CNNM1: variants seen among roughly 807,000 people sequenced by gnomAD.
CNNM1 encodes metal transporter CNNM1.
CNNM1 carries 44 observed loss-of-function variants against 78.8 expected under a neutral mutation model. That is an observed-to-expected ratio of 0.56 (90% CI 0.44 to 0.72). The LOEUF (loss-of-function observed/expected upper bound fraction) is 0.72. CNNM1 is among the 30% of genes least tolerant of loss of function. The pLI is 0.00. For missense variants in CNNM1, 1,101 were observed against 1,292.2 expected, an observed-to-expected ratio of 0.85 and a Z score of 2.27; for synonymous variants, 584 against 581.5, an observed-to-expected ratio of 1.00 and a Z score of -0.06.
intron 7 of CNNM1, among the ~76,000 whole-genome samples, chr10:99,386,470 T>C: frequency 6.6e-6 from 1 of 151,284 alleles, no homozygotes; most frequent in Middle Eastern, 3.2e-3. Flanking sequence ...AAGAGAAAAC[T>C]CTATTTGCCC....
chr10:99,389,023 C>G (rs1356089139), intron 9 of CNNM1, among the ~76,000 whole-genome samples: 1 of 152,118 alleles, frequency 6.6e-6, no homozygotes, highest in Non-Finnish European at 1.5e-5. Flanking sequence ...ATGCCTGCAC[C>G]CAAGCCAGCA....
Position 99,329,413 on chromosome 10 carries a change from C to A in CNNM1, c.26C>A (p.Ala9Glu). 1 of 938,396 alleles carries A rather than the reference C, an allele frequency of 1.1e-6. No individual in the cohort carries two copies. Among genetic ancestry groups the A allele is most frequent in the Non-Finnish European group, 1.5e-6 (1 of 655,582 alleles). 58.1% of individuals were successfully genotyped at this position (938,396 alleles called of 1,614,324 possible). A position where few individuals can be genotyped will look rare whatever the true frequency, so the allele number is the denominator to read the frequency against. The change falls in exon 1 of 11, where the codon GCA becomes GAA. Residue 9 changes from alanine to glutamate, a missense_variant. Ala to Glu is a moderately radical substitution (Grantham distance 107). Coordinates refer to ENST00000356713, the MANE Select transcript of CNNM1 (RefSeq NM_020348.3). MAAAAAAA[A>E]AVGVRLRDCC... ...ATGGCGGCGGCCGCGGCGGCGGCAGCAGCGGTGGGTGTCAGGCTCCGGGAC... is the reference window on the plus strand; with the variant it reads ...ATGGCGGCGGCCGCGGCGGCGGCAGAAGCGGTGGGTGTCAGGCTCCGGGAC...
intron 6 of CNNM1, among the ~76,000 whole-genome samples, chr10:99,371,955 G>GAC (rs1564955163): frequency 1.3e-5 from 2 of 152,142 alleles, no homozygotes; most frequent in African/African-American, 2.4e-5. Flanking sequence ...TACAAAAGAT[G>GAC]TAGGCAGGCA....
chr10:99,351,442 A>C (rs1351649831), intron 1 of CNNM1, among the ~76,000 whole-genome samples: 3 of 152,310 alleles, frequency 2.0e-5, no homozygotes, highest in African/African-American at 4.8e-5. Flanking sequence ...GAGGAGAAAT[A>C]ATGTGTGTTA....
chr10:99,373,395 G>A (rs2031864263), intron 6 of CNNM1, among the ~76,000 whole-genome samples: 1 of 152,176 alleles, frequency 6.6e-6, no homozygotes, highest in African/African-American at 2.4e-5. Flanking sequence ...TCAAGGTATG[G>A]TTTTCCAGAT....
Position 99,330,949 on chromosome 10 carries a change from A to G in CNNM1, c.1562A>G (p.Glu521Gly). ...NDTRLDTVLE[E>G]FKKGKSHLAI... ...ACCCGACTGGACACGGTTCTGGAGG[A>G]GTTTAAGAAGGGTGAGCAGTAGTCT... The change falls in exon 1 of 11, where the codon GAG becomes GGG. Residue 521 changes from glutamate to glycine, a missense_variant. This residue lies in a region of CNNM1 where 277 missense variants were observed against 423.2 expected (regional missense o/e 0.65). Transcript: ENST00000356713. The G allele has an allele frequency of 2.5e-6, 4 of 1,610,922 alleles. No individual in the cohort carries two copies. The highest frequency in any genetic ancestry group is 3.4e-6 in the Non-Finnish European group (4 of 1,178,666).
intron 1 of CNNM1, among the ~76,000 whole-genome samples, chr10:99,356,635 G>C (rs938852171): frequency 6.6e-6 from 1 of 151,620 alleles, no homozygotes; most frequent in Non-Finnish European, 1.5e-5. Flanking sequence ...AGAAAAGAAA[G>C]AAAGAAAGGA....
chr10:99,341,330 G>C (rs895130871), intron 1 of CNNM1, among the ~76,000 whole-genome samples: 2 of 152,086 alleles, frequency 1.3e-5, no homozygotes, highest in Non-Finnish European at 2.9e-5. Flanking sequence ...TTTTCCCCCA[G>C]TGACTCTCAA....
At chr10:99,359,489 T>A (rs1037458592) in intron 2 of CNNM1, among the ~76,000 whole-genome samples, 2 of 152,184 alleles carry the variant, frequency 1.3e-5, no homozygotes, top group Non-Finnish European at 2.9e-5. Context: ...TCTTACGTGA[T>A]CTGGACACCT....
intron 1 of CNNM1, among the ~76,000 whole-genome samples, chr10:99,348,288 C>T (rs1203692282): frequency 6.6e-6 from 1 of 152,190 alleles, no homozygotes; most frequent in African/African-American, 2.4e-5. Flanking sequence ...CCAAGCAGTC[C>T]TCCTGCCTCA....
chr10:99,382,906 T>G (rs542761631), intron 7 of CNNM1, among the ~76,000 whole-genome samples: 11 of 152,324 alleles, frequency 7.2e-5, no homozygotes, highest in African/African-American at 2.6e-4. Context: ...CCTTTGTAGC[T>G]TAGTGGGTGA....
At chr10:99,364,388 A>G (rs1265269054) in intron 4 of CNNM1, 29 bp from the exon 5 acceptor site, 2 of 1,541,430 alleles carry the variant, frequency 1.3e-6, no homozygotes, top group Admixed American at 1.8e-5. Flanking sequence ...ATACACATTC[A>G]TAGTACACTT....
intron 6 of CNNM1, among the ~76,000 whole-genome samples, chr10:99,375,769 T>A (rs1306226243): frequency 1.3e-5 from 2 of 152,306 alleles, no homozygotes; most frequent in South Asian, 4.1e-4. Context: ...GATTTTTCAT[T>A]TGAGGCCCCT....
chr10:99,374,299 C>T (rs933738051), intron 6 of CNNM1, among the ~76,000 whole-genome samples: 1 of 152,188 alleles, frequency 6.6e-6, no homozygotes, highest in African/African-American at 2.4e-5. Flanking sequence ...AGGGTCTGGT[C>T]CTTCATCACA....
At chr10:99,349,827 C>T (rs535041965) in intron 1 of CNNM1, among the ~76,000 whole-genome samples, 25 of 152,196 alleles carry the variant, frequency 1.6e-4, no homozygotes, top group African/African-American at 5.1e-4. Context: ...GGTGAAACCC[C>T]GTCTCTACTA....
At chr10:99,337,545 C>G (rs1450779269) in intron 1 of CNNM1, among the ~76,000 whole-genome samples, 1 of 152,218 alleles carries the variant, frequency 6.6e-6, no homozygotes, top group East Asian at 1.9e-4. Context: ...AGCTCAGGGG[C>G]CTCCTCCTCT....
At chr10:99,349,330 T>C (rs2030838942) in intron 1 of CNNM1, among the ~76,000 whole-genome samples, 1 of 152,114 alleles carries the variant, frequency 6.6e-6, no homozygotes. Context: ...GGCATCAGTA[T>C]GTAACTCCAA....
At chr10:99,367,320 G>T (rs1053775458) in intron 6 of CNNM1, among the ~76,000 whole-genome samples, 4 of 152,176 alleles carry the variant, frequency 2.6e-5, no homozygotes, top group Non-Finnish European at 5.9e-5. Context: ...TTATGAGTTT[G>T]CTGGAATACT....
At chr10:99,338,295 A>T (rs974936052) in intron 1 of CNNM1, among the ~76,000 whole-genome samples, 54 of 138,862 alleles carry the variant, frequency 3.9e-4, no homozygotes, top group African/African-American at 1.3e-3. Flanking sequence ...ACTAGGTGGC[A>T]TTTTTTTTTT....
Sources: gnomAD v4.1 joint callset for allele counts (sites outside exome capture counted in the v4.1 genomes callset) on GRCh38, gnomAD v4.1.1 for gene constraint, gnomAD v4.1.1 regional missense constraint, MANE v1.5 for transcripts, NCBI Gene and HGNC (gene_info 2026-07-23, HGNC 2026-07-21) for gene names.